Variants in MAPK10 observed in about 807,000 individuals in gnomAD.
The protein encoded by MAPK10 is mitogen-activated protein kinase 10.
Under a neutral mutation model 59.3 loss-of-function variants are expected in MAPK10, and 25 were observed. That is an observed-to-expected ratio of 0.42 (90% confidence interval 0.31 to 0.59). The LOEUF is 0.59. MAPK10 is among the 20% of genes least tolerant of loss of function. The pLI, the probability that MAPK10 is intolerant of heterozygous loss-of-function variation, is 0.15. For missense variants in MAPK10, 351 were observed against 568.9 expected (o/e 0.62, Z 3.90); for synonymous variants, 190 against 200.5 (o/e 0.95, Z 0.44).
chr4:86,557,338 C>G (rs1237876517), intron 1 of MAPK10, among the ~76,000 whole-genome samples: 4 of 151,968 alleles, frequency 2.6e-5, no homozygotes, highest in Non-Finnish European at 5.9e-5. Context: ...ACTTTTACAG[C>G]CCAACCCAAG....
At chr4:86,214,888 A>G (rs1300080464) in intron 2 of MAPK10, among the ~76,000 whole-genome samples, 1 of 152,110 alleles carries the variant, frequency 6.6e-6, no homozygotes, top group Non-Finnish European at 1.5e-5. Context: ...AATCACATTG[A>G]TTTTTGCAAA....
chr4:86,375,317 G>A (rs1052678130), intron 1 of MAPK10, among the ~76,000 whole-genome samples: 1 of 152,144 alleles, frequency 6.6e-6, no homozygotes, highest in African/African-American at 2.4e-5. Context: ...ATAGAAAAAT[G>A]AGCCAGGTTA....
chr4:86,275,964 C>A (rs2094564428), intron 2 of MAPK10, among the ~76,000 whole-genome samples: 1 of 152,014 alleles, frequency 6.6e-6, no homozygotes, highest in South Asian at 2.1e-4. Flanking sequence ...GCAGCCATGT[C>A]TCCCTAAACT....
chr4:86,436,449 T>G (rs972939924), intron 1 of MAPK10, among the ~76,000 whole-genome samples: 5 of 152,208 alleles, frequency 3.3e-5, no homozygotes, highest in Admixed American at 6.5e-5. Flanking sequence ...TATCAAAACT[T>G]TGACAAGACA....
chr4:86,476,297 C>T (rs1419044763), intron 1 of MAPK10, among the ~76,000 whole-genome samples: 3 of 152,140 alleles, frequency 2.0e-5, no homozygotes, highest in Non-Finnish European at 4.4e-5. Context: ...ATCCTTTTAT[C>T]ACCTCCACTC....
At chr4:86,484,388 C>T (rs1292958678) in intron 1 of MAPK10, among the ~76,000 whole-genome samples, 1 of 152,002 alleles carries the variant, frequency 6.6e-6, no homozygotes, top group Admixed American at 6.6e-5. Context: ...CGGAGGCAAG[C>T]TTTCGTAATG....
intron 2 of MAPK10, among the ~76,000 whole-genome samples, chr4:86,212,149 A>G (rs1248021646): frequency 1.3e-5 from 2 of 149,856 alleles, no homozygotes; most frequent in Admixed American, 1.3e-4. Flanking sequence ...ACAGATGGGC[A>G]GAATGGATTT....
chr4:86,415,315 G>A (rs1456355808), intron 1 of MAPK10, among the ~76,000 whole-genome samples: 2 of 152,086 alleles, frequency 1.3e-5, no homozygotes, highest in East Asian at 3.9e-4. Context: ...GAAAACTAAA[G>A]AGGCATAGAA....
intron 1 of MAPK10, among the ~76,000 whole-genome samples, chr4:86,479,005 G>A (rs1394801375): frequency 6.6e-6 from 1 of 152,130 alleles, no homozygotes; most frequent in African/African-American, 2.4e-5. Flanking sequence ...CCCCTGCCCA[G>A]GACCGGCAAA....
intron 1 of MAPK10, among the ~76,000 whole-genome samples, chr4:86,466,731 A>G (rs912961543): frequency 6.6e-6 from 1 of 152,238 alleles, no homozygotes; most frequent in Non-Finnish European, 1.5e-5. Context: ...GCACAGCATG[A>G]AAAGCACACA....
chr4:86,180,489 CAAA>C (rs34911547), intron 3 of MAPK10, among the ~76,000 whole-genome samples: 2 of 77,516 alleles, frequency 2.6e-5, no homozygotes, highest in African/African-American at 6.0e-5. Context: ...GGGTGTTCAT[CAAA>C]AAAAAAAAAA....
At chr4:86,114,595 T>C (rs116272029) in intron 4 of MAPK10, among the ~76,000 whole-genome samples, 3,585 of 152,316 alleles carry the variant, frequency 0.024, 145 homozygotes, top group African/African-American at 0.081. Context: ...GAGCTGATGC[T>C]GGCCAGAACA....
chr4:86,064,236 G>C, intron 11 of MAPK10, 30 bp downstream of exon 11: 5 of 1,612,770 alleles, frequency 3.1e-6, no homozygotes, highest in Non-Finnish European at 4.2e-6. Context: ...TTTGTTTGTG[G>C]AAGCAAAGTA....
At position 86,511,567 on chromosome 4, in the gene MAPK10, C is replaced by T. The variant is rs1053905673; in HGVS notation, c.-263+82343G>A. On this transcript the variant is annotated intron_variant, in intron 1 of 4. Coordinates refer to the MAPK10 transcript ENST00000502302. ...GGGCGATAGAACCAGATCTTGTCTT[C>T]AAAAAAGAAAAAACAAGGAGGAAAG... Among the ~76,000 whole-genome samples, 3 of 146,984 alleles carry T rather than the reference C, an allele frequency of 2.0e-5. No individual in the cohort carries two copies. The East Asian group carries it at 6.0e-4, about 29-fold the overall frequency.
chr4:86,144,082 C>A (rs984816405), intron 4 of MAPK10, among the ~76,000 whole-genome samples: 2 of 151,894 alleles, frequency 1.3e-5, no homozygotes, highest in African/African-American at 4.8e-5. Context: ...TTACTGGTAT[C>A]TTTTTTGGGG....
intron 2 of MAPK10, among the ~76,000 whole-genome samples, chr4:86,242,656 TG>T (rs1361177215): frequency 2.6e-5 from 4 of 152,184 alleles, no homozygotes; most frequent in Admixed American, 2.0e-4. Context: ...TGTTGGGCTG[TG>T]GGGACAAGTC....
chr4:86,517,594 T>C (rs1363015471), intron 1 of MAPK10, among the ~76,000 whole-genome samples: 3 of 152,128 alleles, frequency 2.0e-5, no homozygotes, highest in African/African-American at 7.2e-5. Flanking sequence ...TTTGATATGC[T>C]GTTGGATTCG....
At chr4:86,285,318 A>C (rs936634273) in intron 2 of MAPK10, among the ~76,000 whole-genome samples, 1 of 151,872 alleles carries the variant, frequency 6.6e-6, no homozygotes, top group Non-Finnish European at 1.5e-5. Context: ...CCCGGGTTCA[A>C]GCAATTCTCT....
intron 1 of MAPK10, among the ~76,000 whole-genome samples, chr4:86,584,767 C>T (rs1762546282): frequency 6.6e-6 from 1 of 152,086 alleles, no homozygotes; most frequent in Non-Finnish European, 1.5e-5. Flanking sequence ...ATTAATGTAA[C>T]TGGAATCTAG....
Sources: allele counts gnomAD v4.1 joint callset (sites outside exome capture counted in the v4.1 genomes callset), GRCh38; gene constraint gnomAD v4.1.1; transcripts MANE v1.5; gene names NCBI Gene and HGNC (gene_info 2026-07-23, HGNC 2026-07-21).